The following HMGCLL1 variants were observed in gnomAD, a reference collection of about 807,000 sequenced individuals.
The protein encoded by HMGCLL1 is 3-hydroxy-3-methylglutaryl-CoA lyase like 1.
In HMGCLL1, 36 loss-of-function variants were observed where a neutral mutation model predicts 39.1. The ratio of observed to expected loss-of-function variants is 0.92; its 90% confidence interval spans 0.71 to 1.22. The LOEUF is 1.22. Among genes scored for constraint, HMGCLL1 ranks in the 50% most tolerant of loss-of-function variants. HMGCLL1 has a pLI of 0.00. For missense variants in HMGCLL1, 451 were observed against 416.5 expected (o/e 1.08, Z -0.72); for synonymous variants, 149 against 144.0 (o/e 1.03, Z -0.25).
intron 4 of HMGCLL1, among the ~76,000 whole-genome samples, chr6:55,514,698 A>AT (rs1458593285): frequency 6.6e-6 from 1 of 151,948 alleles, no homozygotes; most frequent in Admixed American, 6.6e-5. Flanking sequence ...CCTAGCTTTT[A>AT]TTTTTTTGTA....
At chr6:55,516,631 T>C (rs753580386) in intron 3 of HMGCLL1, 28 bp from the exon 4 acceptor site, 28 of 1,421,918 alleles carry the variant, frequency 2.0e-5, no homozygotes, top group Non-Finnish European at 2.8e-5. Context: ...TATATGTAAA[T>C]GTGTAACTTC....
chr6:55,528,879 C>G, intron 3 of HMGCLL1, among the ~76,000 whole-genome samples: 1 of 151,976 alleles, frequency 6.6e-6, no homozygotes, highest in Non-Finnish European at 1.5e-5. Flanking sequence ...ATGACCCAAA[C>G]TCTTCTATTG....
intron 7 of HMGCLL1, among the ~76,000 whole-genome samples, chr6:55,459,109 G>A (rs2127394459): frequency 6.6e-6 from 1 of 152,218 alleles, no homozygotes; most frequent in East Asian, 1.9e-4. Flanking sequence ...AGTACAGAAT[G>A]TTAGCTTTTA....
At chr6:55,450,010 G>A (rs969291676) in intron 7 of HMGCLL1, among the ~76,000 whole-genome samples, 5 of 152,000 alleles carry the variant, frequency 3.3e-5, no homozygotes, top group African/African-American at 1.2e-4. Context: ...CCATTTCTGA[G>A]TTCCCTGAAG....
chr6:55,627,354 T>G, the HMGCLL1 span, among the ~76,000 whole-genome samples: 1 of 152,070 alleles, frequency 6.6e-6, no homozygotes, highest in Admixed American at 6.6e-5. Flanking sequence ...TGTAATAGTA[T>G]TTGGTTTGGG....
At chr6:55,574,556 A>T (rs1321187128) in intron 1 of HMGCLL1, among the ~76,000 whole-genome samples, 1 of 151,888 alleles carries the variant, frequency 6.6e-6, no homozygotes, top group Non-Finnish European at 1.5e-5. Flanking sequence ...ATTCAGGGGG[A>T]AAATGAGAAA....
chr6:55,662,727 G>GT, the HMGCLL1 span, among the ~76,000 whole-genome samples: 84 of 151,296 alleles, frequency 5.6e-4, no homozygotes, highest in East Asian at 6.7e-3. Context: ...CTCCTCCTCA[G>GT]TTTTTTTTGC....
intron 3 of HMGCLL1, among the ~76,000 whole-genome samples, chr6:55,530,618 G>A (rs1468096172): frequency 1.3e-5 from 2 of 151,992 alleles, no homozygotes; most frequent in Non-Finnish European, 2.9e-5. Context: ...TTTATCAAAT[G>A]TAAAACAAGT....
intron 1 of HMGCLL1, among the ~76,000 whole-genome samples, chr6:55,572,915 T>A (rs938688997): frequency 2.6e-5 from 4 of 152,008 alleles, no homozygotes; most frequent in African/African-American, 9.7e-5. Flanking sequence ...GAGAAAAAAA[T>A]AAAGTGGTGA....
chr6:55,475,082 C>T (rs1440668275), intron 7 of HMGCLL1, among the ~76,000 whole-genome samples: 1 of 151,420 alleles, frequency 6.6e-6, no homozygotes, highest in African/African-American at 2.4e-5. Context: ...AGTGTTTCTC[C>T]AGTGGTATCA....
intron 7 of HMGCLL1, among the ~76,000 whole-genome samples, chr6:55,471,716 A>G (rs1765055240): frequency 6.6e-6 from 1 of 151,584 alleles, no homozygotes; most frequent in African/African-American, 2.4e-5. Context: ...TTTATAATAT[A>G]CATATAGAGA....
the HMGCLL1 span, among the ~76,000 whole-genome samples, chr6:55,589,305 A>C: frequency 6.6e-6 from 1 of 152,172 alleles, no homozygotes; most frequent in Non-Finnish European, 1.5e-5. Flanking sequence ...GACAAAAACC[A>C]CGATTATCTC....
chr6:55,614,509 G>A, the HMGCLL1 span, among the ~76,000 whole-genome samples: 3 of 152,108 alleles, frequency 2.0e-5, no homozygotes, highest in East Asian at 1.9e-4. Context: ...TAGTTATAGC[G>A]GCCCAAGCTA....
chr6:55,531,199 G>A (rs530158192), intron 3 of HMGCLL1, among the ~76,000 whole-genome samples: 14 of 152,120 alleles, frequency 9.2e-5, no homozygotes, highest in Non-Finnish European at 2.1e-4. Context: ...GGCATACTCT[G>A]CATTTCCCAA....
chr6:55,551,168 G>A (rs1770308926), intron 1 of HMGCLL1, among the ~76,000 whole-genome samples: 1 of 151,736 alleles, frequency 6.6e-6, no homozygotes, highest in Admixed American at 6.6e-5. Context: ...AGATCTATAG[G>A]CATTCATTTG....
the HMGCLL1 span, among the ~76,000 whole-genome samples, chr6:55,628,355 G>A: frequency 3.3e-3 from 485 of 147,674 alleles, 3 homozygotes; most frequent in Middle Eastern, 0.01. Context: ...AGGCTGGAGC[G>A]CAGTGGCACA....
intron 5 of HMGCLL1, among the ~76,000 whole-genome samples, chr6:55,504,545 T>A (rs564442247): frequency 6.6e-6 from 1 of 151,886 alleles, no homozygotes; most frequent in East Asian, 1.9e-4. Flanking sequence ...ACAAATATAG[T>A]CATCCCTCAG....
At chr6:55,480,717 G>T (rs1230870639) in intron 7 of HMGCLL1, among the ~76,000 whole-genome samples, 1 of 151,686 alleles carries the variant, frequency 6.6e-6, no homozygotes, top group Admixed American at 6.6e-5. Context: ...CAATAGCCAA[G>T]ATTTGGAAGC....
the HMGCLL1 span, among the ~76,000 whole-genome samples, chr6:55,653,538 C>T: frequency 6.8e-6 from 1 of 146,884 alleles, no homozygotes; most frequent in Non-Finnish European, 1.5e-5. Context: ...TAAACCAGGA[C>T]TAGGAAAAAT....
Sources: allele counts gnomAD v4.1 joint callset (sites outside exome capture counted in the v4.1 genomes callset), GRCh38; gene constraint gnomAD v4.1.1; transcripts MANE v1.5; gene names NCBI Gene and HGNC (gene_info 2026-07-23, HGNC 2026-07-21).